The following CNTNAP2 variants were observed in gnomAD, a reference collection of about 807,000 sequenced individuals.
The protein encoded by CNTNAP2 is contactin-associated protein-like 2.
Under a neutral mutation model 155.2 loss-of-function variants are expected in CNTNAP2, and 98 were observed. The ratio of observed to expected loss-of-function variants is 0.63; its 90% confidence interval spans 0.54 to 0.75. CNTNAP2 has a LOEUF of 0.75. Ranked by LOEUF, CNTNAP2 falls within the 30% of genes least tolerant of loss-of-function variation. The probability of loss-of-function intolerance (pLI) is 0.00; values close to 1 mark genes in which losing one functional copy is unlikely to be tolerated. For missense variants in CNTNAP2, 1,727 were observed against 1,688.1 expected (o/e 1.02, Z -0.40); for synonymous variants, 651 against 631.2 (o/e 1.03, Z -0.47).
chr7:147,304,552 G>C (rs1178309947), intron 9 of CNTNAP2, among the ~76,000 whole-genome samples: 1 of 152,130 alleles, frequency 6.6e-6, no homozygotes. Flanking sequence ...CTGAAGAGGA[G>C]AGATAAGAAG....
intron 3 of CNTNAP2, among the ~76,000 whole-genome samples, chr7:147,039,366 A>G (rs769681471): frequency 3.3e-5 from 5 of 151,218 alleles, no homozygotes; most frequent in African/African-American, 7.3e-5. Flanking sequence ...CCCTCCTTCC[A>G]CCCTCCACTC....
chr7:147,277,609 T>G (rs1368667243), intron 8 of CNTNAP2, among the ~76,000 whole-genome samples: 3 of 151,830 alleles, frequency 2.0e-5, no homozygotes, highest in Non-Finnish European at 4.4e-5. Flanking sequence ...ACCTTAGAAA[T>G]TTGCACATAT....
At chr7:147,394,564 T>G (rs1796778094) in intron 9 of CNTNAP2, among the ~76,000 whole-genome samples, 1 of 152,012 alleles carries the variant, frequency 6.6e-6, no homozygotes, top group African/African-American at 2.4e-5. Flanking sequence ...GTGAACCATA[T>G]GAAAAGTAGA....
chr7:147,270,305 G>C (rs892560647), intron 8 of CNTNAP2, among the ~76,000 whole-genome samples: 1 of 147,760 alleles, frequency 6.8e-6, no homozygotes. Flanking sequence ...GTATGTATTT[G>C]TATGTACATA....
chr7:147,280,810 T>C (rs762701490), intron 8 of CNTNAP2, among the ~76,000 whole-genome samples: 48 of 152,122 alleles, frequency 3.2e-4, no homozygotes, highest in Non-Finnish European at 4.6e-4. Flanking sequence ...TCCCATGATA[T>C]GAAAAGTAAG....
chr7:146,857,005 A>G (rs1457266094), intron 3 of CNTNAP2, among the ~76,000 whole-genome samples: 1 of 152,182 alleles, frequency 6.6e-6, no homozygotes, highest in Non-Finnish European at 1.5e-5. Flanking sequence ...AATTGGGTCA[A>G]TGGATAATAT....
At chr7:148,331,277 G>C (rs372098026) in intron 21 of CNTNAP2, among the ~76,000 whole-genome samples, 1 of 147,466 alleles carries the variant, frequency 6.8e-6, no homozygotes, top group South Asian at 2.2e-4. Context: ...TGGAGTGGAC[G>C]GATGGAGTGG....
intron 1 of CNTNAP2, among the ~76,000 whole-genome samples, chr7:146,393,926 A>C (rs1333623460): frequency 6.6e-6 from 1 of 152,154 alleles, no homozygotes; most frequent in Admixed American, 6.6e-5. Context: ...GTGTAACATA[A>C]ATTTAATATT....
At chr7:146,998,988 T>A (rs1051371253) in intron 3 of CNTNAP2, among the ~76,000 whole-genome samples, 6 of 151,984 alleles carry the variant, frequency 3.9e-5, no homozygotes, top group African/African-American at 1.4e-4. Flanking sequence ...AGAATTTTTT[T>A]ATTATTTATA....
chr7:146,494,375 A>G (rs1797184167), intron 1 of CNTNAP2, among the ~76,000 whole-genome samples: 1 of 151,788 alleles, frequency 6.6e-6, no homozygotes. Flanking sequence ...ATAAATAAAA[A>G]TAAAAATGCT....
At chr7:147,408,479 G>T (rs1358373462) in intron 10 of CNTNAP2, among the ~76,000 whole-genome samples, 5 of 152,226 alleles carry the variant, frequency 3.3e-5, no homozygotes, top group Admixed American at 3.3e-4. Context: ...AGGACCTTGC[G>T]GCCGGGTGTG....
At chr7:147,832,743 T>C (rs1022813083) in intron 13 of CNTNAP2, among the ~76,000 whole-genome samples, 4 of 147,110 alleles carry the variant, frequency 2.7e-5, no homozygotes, top group African/African-American at 9.8e-5. Context: ...TATTTTATAA[T>C]TTAATGACAT....
chr7:147,883,045 A>AT (rs1799547023), intron 13 of CNTNAP2, among the ~76,000 whole-genome samples: 1 of 152,222 alleles, frequency 6.6e-6, no homozygotes, highest in Non-Finnish European at 1.5e-5. Flanking sequence ...GAACACTGAT[A>AT]TAACTGTACA....
chr7:147,384,020 G>A (rs1224794216), intron 9 of CNTNAP2, among the ~76,000 whole-genome samples: 1 of 152,100 alleles, frequency 6.6e-6, no homozygotes, highest in Non-Finnish European at 1.5e-5. Context: ...TGGTCTGGGA[G>A]GGCCTCTTGG....
intron 13 of CNTNAP2, among the ~76,000 whole-genome samples, chr7:147,824,676 G>GA (rs1372932119): frequency 6.6e-6 from 1 of 151,788 alleles, no homozygotes; most frequent in Non-Finnish European, 1.5e-5. Context: ...CTTAATACTT[G>GA]AAAAAATTGT....
At chr7:147,423,907 C>A (rs151154639) in intron 10 of CNTNAP2, among the ~76,000 whole-genome samples, 4 of 152,304 alleles carry the variant, frequency 2.6e-5, no homozygotes, top group African/African-American at 9.6e-5. Flanking sequence ...GACTCCCTTG[C>A]AATCACCTTT....
intron 1 of CNTNAP2, among the ~76,000 whole-genome samples, chr7:146,671,731 T>C (rs12536865): frequency 0.81 from 123,108 of 152,182 alleles, 50,402 homozygotes; most frequent in South Asian, 0.91. Context: ...TAGCCTTATA[T>C]TTCTCCTTCC....
At chr7:148,288,112 T>G (rs1797120184) in intron 21 of CNTNAP2, among the ~76,000 whole-genome samples, 1 of 144,994 alleles carries the variant, frequency 6.9e-6, no homozygotes, top group Admixed American at 6.9e-5. Context: ...TTTTCTTTTT[T>G]TTTTTTAAAG....
intron 1 of CNTNAP2, among the ~76,000 whole-genome samples, chr7:146,371,008 T>G (rs1584893567): frequency 6.6e-6 from 1 of 152,242 alleles, no homozygotes; most frequent in Admixed American, 6.5e-5. Flanking sequence ...AGCTAAGAAT[T>G]TTTAAAATTT....
Sources: gnomAD v4.1 joint callset for allele counts (sites outside exome capture counted in the v4.1 genomes callset) on GRCh38, gnomAD v4.1.1 for gene constraint, MANE v1.5 for transcripts, NCBI Gene and HGNC (gene_info 2026-07-23, HGNC 2026-07-21) for gene names.